Variants in TMSB15B observed in about 807,000 individuals in gnomAD.
TMSB15B encodes the protein thymosin beta 15B.
chrX:103,931,977 G>A (rs1407634726), intron 1 of TMSB15B: 1 of 112,159 alleles, frequency 8.9e-6, no homozygotes, highest in Non-Finnish European at 1.9e-5. Context: ...CTTCCAGATA[G>A]CTGAATATAT....
At position 103,949,655 on chromosome X, in the gene TMSB15B, C is replaced by T. The variant is rs186142307; in HGVS notation, c.-720-12366C>T. On this transcript the variant is annotated intron_variant, in intron 1 of 3. Transcript: ENST00000419165. ...TTTAAAGAACAGATCAGGAGTTCTG[C>T]CTATGACATTTTGAGTTTGAAATGC... Among the ~76,000 whole-genome samples the T allele has an allele frequency of 1.2e-4, 14 of 112,159 alleles. No homozygotes were observed. In the Admixed American group the frequency reaches 1.3e-3, roughly 11 times the overall value.
intron 1 of TMSB15B, chrX:103,933,037 T>C (rs1178440123): frequency 1.8e-5 from 2 of 111,947 alleles, no homozygotes; most frequent in Non-Finnish European, 3.8e-5. Context: ...AAATAACTAA[T>C]GTTTTATGAC....
At chrX:103,920,189 G>C (rs1284351628) in intron 1 of TMSB15B, among the ~76,000 whole-genome samples, 1 of 112,192 alleles carries the variant, frequency 8.9e-6, no homozygotes, top group African/African-American at 3.2e-5. Flanking sequence ...AAAATGATTT[G>C]TCTGAAATTA....
chrX:103,924,448 C>T lies in TMSB15B; in HGVS notation c.-721+5156C>T, dbSNP rs782049568. Among the ~76,000 whole-genome samples, 4 of 111,836 alleles carry T rather than the reference C, an allele frequency of 3.6e-5. 1 individual carries two copies. In the South Asian group the frequency reaches 1.1e-3, roughly 32 times the overall value. On this transcript the variant is annotated intron_variant, in intron 1 of 3. Coordinates refer to the TMSB15B transcript ENST00000419165. ...TCAGAGAAATTTCTTGGTTGCTCCC[C>T]GTCCCAGGTGGAATAAATTGCTCTT...
At position 103,940,029 on chromosome X, in the gene TMSB15B, C is replaced by T. The variant is rs1351013666; in HGVS notation, c.-721+20737C>T. On this transcript the variant is annotated intron_variant, in intron 1 of 3. Transcript: ENST00000419165. ...TGCTTCCTGCTCCTTCCTCTGGAAG[C>T]TTTGTCCCAGAGGGGCACCAGCCAG... is the stretch of plus-strand genomic sequence containing the variant. Among the ~76,000 whole-genome samples, 4 of 111,747 alleles carry T rather than the reference C, an allele frequency of 3.6e-5. No individual in the cohort carries two copies. In the East Asian group the frequency reaches 1.1e-3, roughly 32 times the overall value.
intron 1 of TMSB15B, among the ~76,000 whole-genome samples, chrX:103,929,769 GC>G (rs1345611392): frequency 9.0e-6 from 1 of 111,579 alleles, no homozygotes; most frequent in African/African-American, 3.3e-5. Flanking sequence ...TGATAACATT[GC>G]CCAGAAACGA....
intron 1 of TMSB15B, among the ~76,000 whole-genome samples, chrX:103,954,491 C>A (rs1171180463): frequency 8.1e-5 from 9 of 111,707 alleles, no homozygotes; most frequent in African/African-American, 2.9e-4. Flanking sequence ...CATAATATAG[C>A]TTCCCTCAAG....
At chrX:103,953,489 G>A (rs1281524305) in intron 1 of TMSB15B, among the ~76,000 whole-genome samples, 1 of 112,644 alleles carries the variant, frequency 8.9e-6, no homozygotes, top group African/African-American at 3.2e-5. Flanking sequence ...TACTGGCCTG[G>A]AATTACAGCT....
intron 1 of TMSB15B, among the ~76,000 whole-genome samples, chrX:103,938,034 C>T (rs1287404268): frequency 3.6e-5 from 4 of 111,480 alleles, no homozygotes; most frequent in African/African-American, 6.5e-5. Flanking sequence ...GTCTGAGAGA[C>T]GGTTTATGAT....
intron 1 of TMSB15B, chrX:103,928,655 TG>T (rs1556319380): frequency 1.7e-6 from 2 of 1,152,586 alleles, no homozygotes; most frequent in Non-Finnish European, 2.4e-6. Flanking sequence ...AGGAACAGCC[TG>T]GGGAGCACTC....
At chrX:103,928,147 A>G (rs2074974235) in intron 1 of TMSB15B, 1 of 1,157,850 alleles carries the variant, frequency 8.6e-7, no homozygotes, top group African/African-American at 1.8e-5. Flanking sequence ...ACAGAACACA[A>G]GCAGAGGCTC....
At chrX:103,933,988 G>A (rs1366157952) in intron 1 of TMSB15B, among the ~76,000 whole-genome samples, 1 of 111,265 alleles carries the variant, frequency 9.0e-6, no homozygotes, top group African/African-American at 3.3e-5. Flanking sequence ...TCATTTCTTT[G>A]TGTGGGAAAC....
intron 1 of TMSB15B, among the ~76,000 whole-genome samples, chrX:103,922,425 C>T (rs1472566641): frequency 1.0e-5 from 1 of 96,189 alleles, no homozygotes; most frequent in African/African-American, 3.9e-5. Flanking sequence ...TCTCATTGTT[C>T]AATTCCCACC....
chrX:103,923,640 G>T (rs1278879543), intron 1 of TMSB15B, among the ~76,000 whole-genome samples: 2 of 111,779 alleles, frequency 1.8e-5, no homozygotes, highest in Admixed American at 1.9e-4. Context: ...GTAGCGTGAT[G>T]CCTCCAGCTT....
chrX:103,940,733 G>GCAA (rs1409049630), intron 1 of TMSB15B, among the ~76,000 whole-genome samples: 6 of 110,306 alleles, frequency 5.4e-5, no homozygotes, highest in Admixed American at 4.8e-4. Context: ...AACAACAACA[G>GCAA]CAACAACAAC....
At chrX:103,922,546 T>C (rs1194829877) in intron 1 of TMSB15B, among the ~76,000 whole-genome samples, 1 of 111,137 alleles carries the variant, frequency 9.0e-6, no homozygotes, top group African/African-American at 3.3e-5. Context: ...TCGTCCTTTT[T>C]TATGGCTTCA....
chrX:103,921,805 C>T (rs2074954032), intron 1 of TMSB15B, among the ~76,000 whole-genome samples: 1 of 112,422 alleles, frequency 8.9e-6, no homozygotes, highest in African/African-American at 3.2e-5. Flanking sequence ...CCCAGCAACA[C>T]TGTTGAGACA....
chrX:103,928,571 A>G lies in TMSB15B; in HGVS notation c.-721+9279A>G, dbSNP rs782775973. 8 of 1,177,120 alleles carry G rather than the reference A, an allele frequency of 6.8e-6. No homozygotes were observed. In the African/African-American group the frequency reaches 1.4e-4, roughly 21 times the overall value. On this transcript the variant is annotated intron_variant, in intron 1 of 3. Transcript: ENST00000419165. ...TTACCCAGCACCTTCAGCATTCTTG[A>G]GGAATTCAATTCTTATGGGCTTTGG... is the stretch of plus-strand genomic sequence containing the variant.
Position 103,919,981 on chromosome X carries a change from A to G in TMSB15B, c.-721+689A>G, listed in dbSNP as rs188500857. 2.9e-3 allele frequency among the ~76,000 whole-genome samples: 327 copies of G among 111,939 alleles called. 4 individuals are homozygous for G. The highest frequency in any genetic ancestry group is 0.012 in the South Asian group (32 of 2,645). ...CTGAGGGAGGGGGTGAGGAGGTAGT[A>G]GGGAGAGGGCTGAGGGAAGATGAAG... On this transcript the variant is annotated intron_variant, in intron 1 of 3. Coordinates refer to the TMSB15B transcript ENST00000419165.
Sources: gnomAD v4.1 joint callset for allele counts (sites outside exome capture counted in the v4.1 genomes callset) on GRCh38, gnomAD v4.1.1 for gene constraint, MANE v1.5 for transcripts, NCBI Gene and HGNC (gene_info 2026-07-23, HGNC 2026-07-21) for gene names.